The following USP33 variants were observed in gnomAD, a reference collection of about 807,000 sequenced individuals.
The protein encoded by USP33 is ubiquitin specific peptidase 33, also known as ubiquitin carboxyl-terminal hydrolase 33.
A neutral mutation model predicts 124.2 loss-of-function variants in USP33; 46 were observed. The ratio of observed to expected loss-of-function variants is 0.37; its 90% CI spans 0.29 to 0.47. The LOEUF (loss-of-function observed/expected upper bound fraction) is 0.47, where lower values mean the gene tolerates loss of function less well. Ranked by LOEUF, USP33 falls within the 20% of genes least tolerant of loss-of-function variation. The probability of loss-of-function intolerance (pLI) is 0.99; values close to 1 mark genes in which losing one functional copy is unlikely to be tolerated. For synonymous variants in USP33, 350 were observed against 352.3 expected, an observed-to-expected ratio of 0.99 and a Z score of 0.07; for missense variants, 851 against 1,070.6, an observed-to-expected ratio of 0.79 and a Z score of 2.86.
At position 77,741,436 on chromosome 1, in the gene USP33, A is replaced by C. The variant is rs778140491; in HGVS notation, c.82-7T>G. ...TACAATCCTGACAAGTACCCTATAA[A>C]AAGAAATTAAAAAGACAACATTGGT... On this transcript the variant is annotated splice_polypyrimidine_tract_variant and splice_region_variant and intron_variant, in intron 2 of 23. Transcript: ENST00000370794. 2 of 1,605,492 alleles carry C rather than the reference A, an allele frequency of 1.2e-6. No individual in the cohort carries two copies. Among genetic ancestry groups the C allele is most frequent in the East Asian group, 4.5e-5 (2 of 44,672 alleles).
At chr1:77,742,892 A>G (rs1412047771) in intron 1 of USP33, among the ~76,000 whole-genome samples, 2 of 151,956 alleles carry the variant, frequency 1.3e-5, no homozygotes, top group East Asian at 1.9e-4. Flanking sequence ...TGTAGCTTAT[A>G]TAAGAGTGTC....
intron 5 of USP33, among the ~76,000 whole-genome samples, chr1:77,737,539 T>A (rs1678616701): frequency 6.6e-6 from 1 of 152,232 alleles, no homozygotes; most frequent in Non-Finnish European, 1.5e-5. Flanking sequence ...AAACTGGATT[T>A]CAACAGCATA....
intron 23 of USP33, 186 bp from the exon 24 acceptor site, chr1:77,697,660 T>C: frequency 1.1e-6 from 1 of 901,834 alleles, no homozygotes; most frequent in Non-Finnish European, 1.6e-6. Flanking sequence ...AAGTCAGAGA[T>C]GCTTTTGCTT....
At chr1:77,704,530 T>C (rs1273891800) in intron 21 of USP33, among the ~76,000 whole-genome samples, 1 of 152,230 alleles carries the variant, frequency 6.6e-6, no homozygotes, top group African/African-American at 2.4e-5. Flanking sequence ...AATTTAAGGA[T>C]GTGTTTCTCT....
At chr1:77,712,813 G>C (rs976327431) in intron 20 of USP33, among the ~76,000 whole-genome samples, 1 of 151,974 alleles carries the variant, frequency 6.6e-6, no homozygotes, top group Non-Finnish European at 1.5e-5. Flanking sequence ...AGCCAAGATC[G>C]TGCCACTGCA....
intron 11 of USP33, among the ~76,000 whole-genome samples, chr1:77,724,110 G>A (rs1239041097): frequency 6.6e-6 from 1 of 152,224 alleles, no homozygotes; most frequent in East Asian, 1.9e-4. Context: ...AAGAAGAGGG[G>A]AAGAGGTTAG....
At chr1:77,748,107 T>C (rs1416033566) in intron 1 of USP33, among the ~76,000 whole-genome samples, 3 of 152,346 alleles carry the variant, frequency 2.0e-5, no homozygotes, top group Admixed American at 6.5e-5. Context: ...TTTTATTTTG[T>C]TTCAACCTTT....
intron 22 of USP33, among the ~76,000 whole-genome samples, chr1:77,700,008 C>G (rs1465777244): frequency 6.6e-6 from 1 of 150,740 alleles, no homozygotes; most frequent in African/African-American, 2.4e-5. Flanking sequence ...CACAAGGACA[C>G]AGGGAGGAGA....
Position 77,714,763 on chromosome 1 carries a change from T to A in USP33, c.2066A>T (p.Gln689Leu). 3 of 1,612,220 alleles carry A rather than the reference T, an allele frequency of 1.9e-6. No homozygotes were observed. Among genetic ancestry groups the A allele is most frequent in the Non-Finnish European group, 2.5e-6 (3 of 1,179,932 alleles). The change falls in exon 19 of 24, where the codon CAA (glutamine) becomes CTA (leucine). Residue 689 changes from glutamine (Q) to leucine (L), a missense_variant. Gln to Leu is a moderately radical substitution (Grantham distance 113, BLOSUM62 -2). Around this residue, in one of 4 missense-constraint regions of USP33, gnomAD observed 281 missense variants for 425.0 expected, o/e 0.66. Transcript: ENST00000370794. ...LFYRKSSEEAQKERRRISNLL... is the reference protein window; with the variant it reads ...LFYRKSSEEALKERRRISNLL... ...ATTTGATATCCTTCTCCTCTCTTTTTGTGCCTCTTCGCTGCTCTTCCTATT... is the reference window on the plus strand; with the variant it reads ...ATTTGATATCCTTCTCCTCTCTTTTAGTGCCTCTTCGCTGCTCTTCCTATT...
intron 17 of USP33, 54 bp from the exon 18 acceptor site, chr1:77,715,922 G>A: frequency 6.4e-7 from 1 of 1,556,186 alleles, no homozygotes; most frequent in Non-Finnish European, 8.7e-7. Context: ...ACAGAAGAAA[G>A]GAGGATAAAC....
At chr1:77,753,005 C>T (rs557140215) in intron 1 of USP33, among the ~76,000 whole-genome samples, 16 of 151,760 alleles carry the variant, frequency 1.1e-4, no homozygotes, top group South Asian at 4.2e-4. Flanking sequence ...CTGGAACCCG[C>T]GAAGAGGAGG....
intron 1 of USP33, among the ~76,000 whole-genome samples, chr1:77,757,632 T>G (rs889070767): frequency 2.0e-5 from 3 of 152,250 alleles, no homozygotes; most frequent in Non-Finnish European, 2.9e-5. Context: ...ACCAAAAATC[T>G]TTCAGCATTT....
chr1:77,706,177 T>C (rs1044345050), intron 21 of USP33, among the ~76,000 whole-genome samples: 1 of 152,042 alleles, frequency 6.6e-6, no homozygotes, highest in Non-Finnish European at 1.5e-5. Context: ...TACCTAAGAG[T>C]GGGATTGCTG....
At chr1:77,715,094 C>T (rs978396952) in intron 18 of USP33, among the ~76,000 whole-genome samples, 39 of 151,502 alleles carry the variant, frequency 2.6e-4, no homozygotes, top group Non-Finnish European at 2.9e-5. Flanking sequence ...TTATAAGATG[C>T]TAAAAAAAAA....
At chr1:77,733,319 G>A (rs972924714) in intron 7 of USP33, among the ~76,000 whole-genome samples, 11 of 151,918 alleles carry the variant, frequency 7.2e-5, no homozygotes, top group East Asian at 1.9e-4. Flanking sequence ...ACACAAACCC[G>A]GGAGGCAGAG....
chr1:77,704,048 G>A lies in USP33; in HGVS notation c.2407-2577C>T, dbSNP rs181114659. Among the ~76,000 whole-genome samples the A allele has an allele frequency of 3.1e-3, 472 of 151,872 alleles. 3 individuals are homozygous for A. Among genetic ancestry groups the A allele is most frequent in the Admixed American group, 4.3e-3 (66 of 15,226 alleles). ...GAGGATCTCTTGAGCGTGGGAGATC[G>A]AGGCTGCAGAAAGCTGTGATCATGC... is the stretch of plus-strand genomic sequence containing the variant. On this transcript the variant is annotated intron_variant, in intron 21 of 23. Transcript: ENST00000370794.
intron 17 of USP33, 193 bp downstream of exon 17, chr1:77,717,674 G>GT (rs1676079792): frequency 2.8e-6 from 1 of 355,448 alleles, no homozygotes; most frequent in Admixed American, 4.7e-5. Flanking sequence ...TAATTAGGAT[G>GT]TTTATTTATT....
chr1:77,750,621 TAAAAAAGA>T (rs1400355160), intron 1 of USP33, among the ~76,000 whole-genome samples: 295 of 82,694 alleles, frequency 3.6e-3, no homozygotes, highest in African/African-American at 0.014. Flanking sequence ...GACCCTGACT[TAAAAAAGA>T]AAGAAAGAAA....
intron 22 of USP33, among the ~76,000 whole-genome samples, chr1:77,698,729 T>C (rs1341945453): frequency 1.3e-5 from 2 of 151,726 alleles, no homozygotes; most frequent in African/African-American, 4.8e-5. Flanking sequence ...CTTGATCTCC[T>C]GACCTCGTGA....
Sources: gnomAD v4.1 joint callset for allele counts (sites outside exome capture counted in the v4.1 genomes callset) on GRCh38, gnomAD v4.1.1 for gene constraint, gnomAD v4.1.1 regional missense constraint, MANE v1.5 for transcripts, NCBI Gene and HGNC (gene_info 2026-07-23, HGNC 2026-07-21) for gene names.